RTN3: variants seen among roughly 807,000 people sequenced by gnomAD.
RTN3 encodes the protein reticulon-3.
In RTN3, 49 loss-of-function variants were observed where a neutral mutation model predicts 77.8. The observed-to-expected ratio is 0.63, with a 90% CI of 0.50 to 0.80. The LOEUF is 0.80. Ranked by LOEUF, RTN3 falls within the 30% of genes least tolerant of loss-of-function variation. RTN3 has a pLI of 0.00. For missense variants in RTN3, 1,236 were observed against 1,211.9 expected (o/e 1.02, Z -0.29); for synonymous variants, 464 against 446.9 (o/e 1.04, Z -0.48).
chr11:63,686,574 C>T (rs989023356), intron 1 of RTN3, among the ~76,000 whole-genome samples: 5 of 151,588 alleles, frequency 3.3e-5, no homozygotes, highest in Non-Finnish European at 7.4e-5. Flanking sequence ...CCTGTAATCC[C>T]AGCACTTTGG....
At chr11:63,737,945 G>A (rs1036024183) in intron 3 of RTN3, among the ~76,000 whole-genome samples, 1 of 152,164 alleles carries the variant, frequency 6.6e-6, no homozygotes, top group African/African-American at 2.4e-5. Context: ...TTGAGGGGGT[G>A]GATTTCCTTG....
intron 3 of RTN3, among the ~76,000 whole-genome samples, chr11:63,730,985 C>T (rs1037191072): frequency 6.6e-6 from 1 of 152,134 alleles, no homozygotes; most frequent in Non-Finnish European, 1.5e-5. Context: ...TAGCAGAATA[C>T]ACATTATTTT....
chr11:63,687,731 G>A (rs562895863), intron 1 of RTN3, among the ~76,000 whole-genome samples: 1 of 152,210 alleles, frequency 6.6e-6, no homozygotes, highest in East Asian at 1.9e-4. Flanking sequence ...AGACACATTT[G>A]CTTTGTACCC....
chr11:63,734,213 C>T (rs182209804), intron 3 of RTN3, among the ~76,000 whole-genome samples: 3 of 152,114 alleles, frequency 2.0e-5, no homozygotes, highest in Non-Finnish European at 2.9e-5. Context: ...TTTGGGAGGC[C>T]GAGGTGGGCA....
intron 1 of RTN3, among the ~76,000 whole-genome samples, chr11:63,702,073 C>T (rs989763225): frequency 2.6e-5 from 4 of 151,900 alleles, no homozygotes; most frequent in African/African-American, 4.8e-5. Flanking sequence ...TAGCTATAGC[C>T]CTGTCCTTTA....
intron 4 of RTN3, 62 bp from the exon 5 acceptor site, chr11:63,752,444 CT>C: frequency 6.6e-7 from 1 of 1,510,290 alleles, no homozygotes; most frequent in Non-Finnish European, 9.2e-7. Context: ...TTCTCAGTAA[CT>C]ACTGTGCTAA....
At position 63,720,027 on chromosome 11, in the gene RTN3, A is replaced by G; in HGVS notation, c.1525A>G (p.Thr509Ala). The G allele has an allele frequency of 6.2e-7, 1 of 1,614,182 alleles. No individual in the cohort carries two copies. ...ESDDTVIEDI[T>A]ADTSFENNKI... ...TGATGACACAGTAATAGAGGACATC[A>G]CAGCAGATACATCATTTGAAAATAA... Residue 509 changes from threonine to alanine, a missense_variant, in exon 3 of 9, where the codon ACA becomes GCA. Physicochemically the swap from Thr to Ala is moderately conservative, Grantham distance 58. This residue lies in a region of RTN3 where 1,056 missense variants were observed against 990.4 expected (regional missense o/e 1.07). Coordinates refer to ENST00000377819, the MANE Select transcript of RTN3 (RefSeq NM_001265589.2).
Position 63,719,095 on chromosome 11 carries a change from C to T in RTN3, c.593C>T (p.Ala198Val). 1 of 1,614,146 alleles carries T rather than the reference C, an allele frequency of 6.2e-7. No individual in the cohort carries two copies. The highest frequency in any genetic ancestry group is 8.5e-7 in the Non-Finnish European group (1 of 1,180,034). Residue 198 changes from alanine (A) to valine (V), a missense_variant, in exon 3 of 9, where the codon GCA becomes GTA. Around this residue, in one of 3 missense-constraint regions of RTN3, gnomAD observed 1,056 missense variants for 990.4 expected, o/e 1.07. Transcript: ENST00000377819. ...NGVSSREAKT[A>V]LDADDRFTLL... Reference sequence around the variant, plus strand: ...GTATCAAGTAGGGAGGCTAAAACTGCATTGGATGCTGATGACAGATTCACT... The same window carrying T: ...GTATCAAGTAGGGAGGCTAAAACTGTATTGGATGCTGATGACAGATTCACT...
Position 63,682,243 on chromosome 11 carries a change from A to G in RTN3, c.142+465A>G, listed in dbSNP as rs188858057. On this transcript the variant is annotated intron_variant, in intron 1 of 8. Transcript: ENST00000377819. ...TTGCAGACAGGTGTTGACATAATCA[A>G]GCATTCATGATAGTCCTCCAAAATA... Among the ~76,000 whole-genome samples the G allele has an allele frequency of 2.0e-3, 308 of 152,338 alleles. 1 individual carries two copies. The highest frequency in any genetic ancestry group is 3.4e-3 in the Non-Finnish European group (232 of 68,024).
intron 4 of RTN3, 29 bp downstream of exon 4, chr11:63,750,227 T>C (rs1355491039): frequency 6.4e-7 from 1 of 1,566,018 alleles, no homozygotes; most frequent in Non-Finnish European, 8.8e-7. Context: ...AGCAACATTC[T>C]ACATTTTAGT....
Position 63,681,622 on chromosome 11 carries a change from C to T in RTN3, c.-15C>T, listed in dbSNP as rs764637237. 2 of 1,580,004 alleles carry T rather than the reference C, an allele frequency of 1.3e-6. No individual in the cohort carries two copies. The highest frequency in any genetic ancestry group is 2.3e-5 in the East Asian group (1 of 43,524). ...TATCTCTTTTCACCCTTCTCCCACC[C>T]TCGCTCGCGTAGCCATGGCGGAGCC... is the stretch of plus-strand genomic sequence containing the variant. On this transcript the variant is annotated 5_prime_UTR_variant, in exon 1 of 9. Transcript: ENST00000377819.
intron 2 of RTN3, among the ~76,000 whole-genome samples, chr11:63,711,708 G>A (rs2011164628): frequency 6.6e-6 from 1 of 152,136 alleles, no homozygotes; most frequent in African/African-American, 2.4e-5. Flanking sequence ...GGAATTACAG[G>A]CATGCACCAC....
Position 63,718,974 on chromosome 11 carries a change from A to AT in RTN3, c.474dup (p.Pro159SerfsTer24). The AT allele has an allele frequency of 6.2e-7, 1 of 1,614,194 alleles. No individual in the cohort carries two copies. The highest frequency in any genetic ancestry group is 1.6e-4 in the Middle Eastern group (1 of 6,062). On this transcript the variant is annotated frameshift_variant, in exon 3 of 9. Transcript: ENST00000377819. LOFTEE classifies it high-confidence loss of function. Reference sequence around the variant, plus strand: ...AGGAGTTCATTGTGACCGTCCTTCTATTCCAGCCAGTTTCCCAGAGCATCC... The same window carrying AT: ...AGGAGTTCATTGTGACCGTCCTTCTATTTCCAGCCAGTTTCCCAGAGCATCC...
chr11:63,699,407 G>T (rs1942127296), intron 1 of RTN3, among the ~76,000 whole-genome samples: 1 of 152,032 alleles, frequency 6.6e-6, no homozygotes, highest in Non-Finnish European at 1.5e-5. Context: ...CAGGCAGATG[G>T]TCTCAAGACC....
intron 1 of RTN3, among the ~76,000 whole-genome samples, chr11:63,684,195 C>T (rs1941245672): frequency 7.9e-6 from 1 of 127,042 alleles, no homozygotes; most frequent in African/African-American, 3.1e-5. Flanking sequence ...GTCGCCCAGG[C>T]TGGAGTGCAG....
intron 1 of RTN3, 117 bp from the exon 2 acceptor site, chr11:63,704,734 C>T: frequency 1.5e-6 from 1 of 659,090 alleles, no homozygotes; most frequent in Non-Finnish European, 2.6e-6. Flanking sequence ...GAGTTTTCCT[C>T]CTTGTTAAAC....
At chr11:63,738,612 A>G (rs2013281674) in intron 3 of RTN3, among the ~76,000 whole-genome samples, 1 of 147,090 alleles carries the variant, frequency 6.8e-6, no homozygotes, top group Non-Finnish European at 1.5e-5. Flanking sequence ...AGCCTGGGTG[A>G]CAGAGTGAGA....
At chr11:63,731,042 A>G (rs888966301) in intron 3 of RTN3, among the ~76,000 whole-genome samples, 1 of 152,008 alleles carries the variant, frequency 6.6e-6, no homozygotes, top group African/African-American at 2.4e-5. Context: ...ATATACTACT[A>G]GGCCCACAAA....
Position 63,719,925 on chromosome 11 carries a change from G to T in RTN3, c.1423G>T (p.Asp475Tyr). Residue 475 changes from aspartate (D) to tyrosine (Y), a missense_variant, in exon 3 of 9, where the codon GAC (aspartate) becomes TAC (tyrosine). Physicochemically the swap from Asp to Tyr is radical, Grantham distance 160. Around this residue, in one of 3 missense-constraint regions of RTN3, gnomAD observed 1,056 missense variants for 990.4 expected, o/e 1.07. Coordinates refer to ENST00000377819, the MANE Select transcript of RTN3 (RefSeq NM_001265589.2). The stretch of plus-strand genomic sequence containing the variant: ...CACAGTGAAAGTGGTTTTACCTGAT[G>T]ACCACCTGAAAGATGAAATGGACTG... Reference protein sequence around the residue: ...VATVKVVLPDDHLKDEMDWQS... With the variant: ...VATVKVVLPDYHLKDEMDWQS... The T allele has an allele frequency of 6.2e-7, 1 of 1,614,098 alleles. No individual in the cohort carries two copies. Among genetic ancestry groups the T allele is most frequent in the South Asian group, 1.1e-5 (1 of 91,052 alleles).
Sources: allele counts gnomAD v4.1 joint callset (sites outside exome capture counted in the v4.1 genomes callset), GRCh38; gene constraint gnomAD v4.1.1; regional missense constraint gnomAD v4.1.1; transcripts MANE v1.5; gene names NCBI Gene and HGNC (gene_info 2026-07-23, HGNC 2026-07-21).